Variants in WASF3 observed in about 807,000 individuals in gnomAD.
WASF3 encodes the protein actin-binding protein WASF3.
In WASF3, 11 loss-of-function variants were observed where a neutral mutation model predicts 46.6. That is an observed-to-expected ratio of 0.24 (90% CI 0.15 to 0.39). The LOEUF (loss-of-function observed/expected upper bound fraction) is 0.39, where lower values mean the gene tolerates loss of function less well. Ranked by LOEUF, WASF3 falls within the 10% of genes least tolerant of loss-of-function variation. The pLI, the probability that WASF3 is intolerant of heterozygous loss-of-function variation, is 1.00. For synonymous variants in WASF3, 242 were observed against 259.7 expected, an observed-to-expected ratio of 0.93 and a Z score of 0.65; for missense variants, 576 against 669.8, an observed-to-expected ratio of 0.86 and a Z score of 1.55.
the WASF3 span, among the ~76,000 whole-genome samples, chr13:26,545,956 A>C: frequency 1.3e-5 from 2 of 152,188 alleles, no homozygotes; most frequent in South Asian, 4.1e-4. Context: ...TGGTTTAATA[A>C]ATTATCTTAC....
chr13:26,623,334 T>C (rs1881364483), intron 2 of WASF3, among the ~76,000 whole-genome samples: 1 of 152,142 alleles, frequency 6.6e-6, no homozygotes, highest in African/African-American at 2.4e-5. Context: ...AGGCATGATG[T>C]AACACCTGCT....
At chr13:26,602,885 T>C (rs1176598102) in intron 1 of WASF3, among the ~76,000 whole-genome samples, 2 of 152,218 alleles carry the variant, frequency 1.3e-5, no homozygotes, top group Non-Finnish European at 1.5e-5. Context: ...TTTTCATTAT[T>C]TTCTTTGTCC....
intron 3 of WASF3, among the ~76,000 whole-genome samples, chr13:26,653,290 T>A (rs1882370053): frequency 6.6e-6 from 1 of 152,156 alleles, no homozygotes; most frequent in Admixed American, 6.6e-5. Flanking sequence ...TCTCATCAAG[T>A]ATAAATATGC....
intron 6 of WASF3, among the ~76,000 whole-genome samples, chr13:26,675,650 CTG>C (rs35156420): frequency 5.4e-5 from 8 of 146,904 alleles, no homozygotes; most frequent in African/African-American, 7.6e-5. Flanking sequence ...GATGCCATGT[CTG>C]TGTGTGTGTG....
At chr13:26,627,869 TA>T (rs1399057870) in intron 2 of WASF3, among the ~76,000 whole-genome samples, 1 of 144,656 alleles carries the variant, frequency 6.9e-6, no homozygotes, top group African/African-American at 2.5e-5. Flanking sequence ...ACATGTACCC[TA>T]AAACTTAAAG....
At chr13:26,570,491 A>G (rs1056025776) in intron 1 of WASF3, among the ~76,000 whole-genome samples, 1 of 152,070 alleles carries the variant, frequency 6.6e-6, no homozygotes. Flanking sequence ...GACAGTATAC[A>G]TGTATGTTTT....
chr13:26,578,993 C>CTTGTTTTT (rs1879887423), intron 1 of WASF3, among the ~76,000 whole-genome samples: 1 of 60,638 alleles, frequency 1.6e-5, no homozygotes, highest in Non-Finnish European at 2.8e-5. Context: ...GATACATTTC[C>CTTGTTTTT]TTTTTTTTTT....
chr13:26,572,845 G>A (rs1023681081), intron 1 of WASF3, among the ~76,000 whole-genome samples: 2 of 152,068 alleles, frequency 1.3e-5, no homozygotes, highest in Admixed American at 6.6e-5. Context: ...GAGCCACCGC[G>A]CCTGGCCTGG....
intron 1 of WASF3, among the ~76,000 whole-genome samples, chr13:26,599,713 C>T (rs1880590662): frequency 6.6e-6 from 1 of 152,190 alleles, no homozygotes; most frequent in Non-Finnish European, 1.5e-5. Flanking sequence ...CAGATGAAAA[C>T]AGCTGTGGAT....
intron 1 of WASF3, among the ~76,000 whole-genome samples, chr13:26,591,842 G>T (rs1053226818): frequency 6.6e-6 from 1 of 152,078 alleles, no homozygotes; most frequent in African/African-American, 2.4e-5. Flanking sequence ...TCTTGAGGTC[G>T]GGGATGCTTT....
chr13:26,575,010 G>A (rs1272046917), intron 1 of WASF3, among the ~76,000 whole-genome samples: 1 of 151,926 alleles, frequency 6.6e-6, no homozygotes, highest in African/African-American at 2.4e-5. Context: ...CTAATTTTTT[G>A]TATTTTTACT....
rs544923155 is a variant in WASF3, at chr13:26,601,899, A to T, written c.-108-11062A>T. Reference sequence around the variant, plus strand: ...AGATATCATCACTTCCTTTTTGCCAAGAGTGGGCTGAGTAAATTTGCCAGA... The same window carrying T: ...AGATATCATCACTTCCTTTTTGCCATGAGTGGGCTGAGTAAATTTGCCAGA... On this transcript the variant is annotated intron_variant, in intron 1 of 9. Transcript: ENST00000335327. Among the ~76,000 whole-genome samples, 129 of 152,318 alleles carry T rather than the reference A, an allele frequency of 8.5e-4. 1 individual carries two copies. The highest frequency in any genetic ancestry group is 3.0e-3 in the African/African-American group (125 of 41,570).
intron 1 of WASF3, among the ~76,000 whole-genome samples, chr13:26,604,855 G>A (rs527432781): frequency 6.6e-6 from 1 of 152,312 alleles, no homozygotes; most frequent in African/African-American, 2.4e-5. Context: ...GGGGTCAAGA[G>A]CAACAGAAAG....
intron 1 of WASF3, among the ~76,000 whole-genome samples, chr13:26,599,867 AT>A (rs1421742095): frequency 3.9e-5 from 6 of 152,114 alleles, no homozygotes; most frequent in Non-Finnish European, 7.4e-5. Context: ...ATCCCATGGG[AT>A]TTGATTCATT....
chr13:26,583,858 GT>G (rs1880053429), intron 1 of WASF3, among the ~76,000 whole-genome samples: 1 of 152,216 alleles, frequency 6.6e-6, no homozygotes, highest in African/African-American at 2.4e-5. Context: ...AGTCAGAAGT[GT>G]GGTTGCCACT....
intron 1 of WASF3, among the ~76,000 whole-genome samples, chr13:26,594,145 G>C (rs1880388842): frequency 6.6e-6 from 1 of 151,904 alleles, no homozygotes; most frequent in South Asian, 2.1e-4. Flanking sequence ...TTTTTCTCCT[G>C]GAATTTCATT....
intron 1 of WASF3, among the ~76,000 whole-genome samples, chr13:26,576,693 T>A (rs866878293): frequency 1.3e-5 from 2 of 152,234 alleles, no homozygotes; most frequent in Admixed American, 6.5e-5. Context: ...TTTTTCATAG[T>A]TTGTTGTTAG....
chr13:26,638,301 C>T (rs1450732878), intron 2 of WASF3: 1 of 152,156 alleles, frequency 6.6e-6, no homozygotes, highest in Non-Finnish European at 1.5e-5. Context: ...AGGGAAGGAC[C>T]CTGGCCCAGT....
At chr13:26,591,026 C>T (rs1593134759) in intron 1 of WASF3, among the ~76,000 whole-genome samples, 1 of 145,832 alleles carries the variant, frequency 6.9e-6, no homozygotes, top group Admixed American at 6.7e-5. Flanking sequence ...GACTGAGCCA[C>T]GCAGGTGTAG....
Sources: allele counts gnomAD v4.1 joint callset (sites outside exome capture counted in the v4.1 genomes callset), GRCh38; gene constraint gnomAD v4.1.1; transcripts MANE v1.5; gene names NCBI Gene and HGNC (gene_info 2026-07-23, HGNC 2026-07-21).